Variants in INTU observed in about 807,000 individuals in gnomAD.
INTU encodes protein inturned.
Under a neutral mutation model 100.5 loss-of-function variants are expected in INTU, and 68 were observed. That is an observed-to-expected ratio of 0.68 (90% CI 0.56 to 0.83). The LOEUF (loss-of-function observed/expected upper bound fraction) is 0.83. Ranked by LOEUF, INTU falls within the 40% of genes least tolerant of loss-of-function variation. INTU has a pLI of 0.00. For synonymous variants in INTU, 357 were observed against 395.7 expected, an observed-to-expected ratio of 0.90 and a Z score of 1.16; for missense variants, 1,071 against 1,114.7, an observed-to-expected ratio of 0.96 and a Z score of 0.56.
At chr4:127,674,977 C>A (rs1449694089) in intron 6 of INTU, among the ~76,000 whole-genome samples, 1 of 152,126 alleles carries the variant, frequency 6.6e-6, no homozygotes, top group Non-Finnish European at 1.5e-5. Context: ...TGAATTCTTT[C>A]TACAACATTG....
chr4:127,648,173 T>C (rs2126182875), intron 2 of INTU, among the ~76,000 whole-genome samples: 1 of 152,320 alleles, frequency 6.6e-6, no homozygotes, highest in Non-Finnish European at 1.5e-5. Flanking sequence ...GCCTTTGAAA[T>C]GGGACAGATC....
chr4:127,719,624 G>C lies in INTU; in HGVS notation c.*3188G>C, dbSNP rs2148743680. 6.6e-6 allele frequency: 1 copy of C among 152,076 alleles called. No homozygotes were observed. Among genetic ancestry groups the C allele is most frequent in the Admixed American group, 6.5e-5 (1 of 15,278 alleles). 9.4% of individuals were successfully genotyped at this position (152,076 alleles called of 1,614,324 possible). ...ATCCATCTGGTCCTGGGCTTTTTTT[G>C]GTTGGTAGCCTATTAATTACTGCCT... On this transcript the variant is annotated 3_prime_UTR_variant, in exon 16 of 16. Coordinates refer to ENST00000335251, the MANE Select transcript of INTU (RefSeq NM_015693.4).
chr4:127,672,164 G>A (rs1728959536), intron 5 of INTU, among the ~76,000 whole-genome samples: 2 of 152,116 alleles, frequency 1.3e-5, no homozygotes, highest in African/African-American at 2.4e-5. Context: ...ATTTTAAAGT[G>A]TACAAGTAAA....
rs1400386400 is a variant in INTU, at chr4:127,714,032, T to C, written c.2656T>C (p.Ser886Pro). The change falls in exon 15 of 16, where the codon TCA (serine) becomes CCA (proline). Residue 886 changes from serine to proline, a missense_variant. Transcript: ENST00000335251. ...AGAACATGGTGTGTTGTTTGAATGTTCACCTGGAAACTGGACTGATCAGAA... is the reference window on the plus strand; with the variant it reads ...AGAACATGGTGTGTTGTTTGAATGTCCACCTGGAAACTGGACTGATCAGAA... ...VKEHGVLFEC[S>P]PGNWTDQKKA... is the part of the protein sequence containing the mutation. The C allele has an allele frequency of 6.2e-7, 1 of 1,613,766 alleles. No homozygotes were observed. The highest frequency in any genetic ancestry group is 1.7e-5 in the Admixed American group (1 of 59,954).
At chr4:127,716,290 A>T (rs757781700) in intron 15 of INTU, 35 bp from the exon 16 acceptor site, 2 of 1,021,000 alleles carry the variant, frequency 2.0e-6, no homozygotes, top group Non-Finnish European at 2.9e-6. Flanking sequence ...TTGTTGTTTT[A>T]ATTTCTGAAA....
chr4:127,633,225 A>C, intron 1 of INTU, 45 bp downstream of exon 1: 1 of 1,592,026 alleles, frequency 6.3e-7, no homozygotes, highest in South Asian at 1.1e-5. Flanking sequence ...CCATCAATCC[A>C]GAGAATATAC....
intron 2 of INTU, among the ~76,000 whole-genome samples, chr4:127,649,596 T>A (rs993001465): frequency 6.6e-6 from 1 of 152,144 alleles, no homozygotes; most frequent in African/African-American, 2.4e-5. Context: ...CAATGAGCAT[T>A]TCCTTTGAGG....
chr4:127,710,932 A>T lies in INTU; in HGVS notation c.2389A>T (p.Asn797Tyr). The T allele has an allele frequency of 4.7e-6, 7 of 1,503,346 alleles. No homozygotes were observed. Among genetic ancestry groups the T allele is most frequent in the Non-Finnish European group, 6.3e-6 (7 of 1,109,694 alleles). The allele number at this position is 1,503,346 out of a possible 1,614,324, so 93.1% of individuals were successfully genotyped here. ...TTTAAGACTGACATCTGGTCCTGAG[A>T]ACACACTTTTCCACTACGTTGCCTT... ...NTVKLTSGPE[N>Y]TLFHYVALET... Residue 797 changes from asparagine to tyrosine, a missense_variant, in exon 14 of 16, where the codon AAC (asparagine) becomes TAC (tyrosine). Asn to Tyr is a moderately radical substitution (Grantham distance 143). Transcript: ENST00000335251.
intron 3 of INTU, among the ~76,000 whole-genome samples, chr4:127,661,127 T>C (rs1330826760): frequency 6.6e-6 from 1 of 152,190 alleles, no homozygotes; most frequent in Non-Finnish European, 1.5e-5. Context: ...CTAAGGAATT[T>C]TAATGGATGG....
intron 5 of INTU, 33 bp downstream of exon 5, chr4:127,669,187 T>C: frequency 9.5e-7 from 1 of 1,050,226 alleles, no homozygotes; most frequent in Non-Finnish European, 1.4e-6. Flanking sequence ...AATTCTGTTT[T>C]TTTCAAGTTC....
chr4:127,683,553 A>G (rs1028672558), intron 6 of INTU, among the ~76,000 whole-genome samples: 19 of 152,124 alleles, frequency 1.2e-4, no homozygotes, highest in African/African-American at 4.3e-4. Context: ...AGTGCCATAG[A>G]CTGCGTGTTT....
intron 2 of INTU, among the ~76,000 whole-genome samples, chr4:127,647,511 T>G (rs1727641863): frequency 6.6e-6 from 1 of 152,188 alleles, no homozygotes; most frequent in South Asian, 2.1e-4. Context: ...TACCTGACGA[T>G]CATTCGGATA....
At chr4:127,694,487 A>G (rs1351547767) in intron 8 of INTU, among the ~76,000 whole-genome samples, 1 of 152,042 alleles carries the variant, frequency 6.6e-6, no homozygotes, top group Non-Finnish European at 1.5e-5. Context: ...CTAATGGTCT[A>G]TCAATTTTAT....
intron 8 of INTU, among the ~76,000 whole-genome samples, chr4:127,694,416 T>G (rs1275061784): frequency 6.6e-6 from 1 of 152,160 alleles, no homozygotes; most frequent in Non-Finnish European, 1.5e-5. Flanking sequence ...AGTTGTAATA[T>G]CTCCCATTTC....
At chr4:127,697,247 T>C (rs144667696) in intron 8 of INTU, among the ~76,000 whole-genome samples, 191 of 152,314 alleles carry the variant, frequency 1.3e-3, no homozygotes, top group Middle Eastern at 3.4e-3. Flanking sequence ...CATTTCACCA[T>C]CTAATAAAGA....
At chr4:127,634,050 A>G (rs900514564) in intron 1 of INTU, among the ~76,000 whole-genome samples, 7 of 152,210 alleles carry the variant, frequency 4.6e-5, no homozygotes, top group Non-Finnish European at 1.0e-4. Context: ...TTTAGGAACA[A>G]CAGTTACAAA....
chr4:127,679,296 A>G (rs1729396751), intron 6 of INTU, among the ~76,000 whole-genome samples: 1 of 152,210 alleles, frequency 6.6e-6, no homozygotes, highest in African/African-American at 2.4e-5. Flanking sequence ...TCAACAGAAT[A>G]TACATTTTTT....
rs1284693536 is a variant in INTU, at chr4:127,723,138, C to T, written c.*6702C>T. The T allele has an allele frequency of 6.6e-6, 1 of 152,230 alleles. No homozygotes were observed. Among genetic ancestry groups the T allele is most frequent in the Non-Finnish European group, 1.5e-5 (1 of 68,090 alleles). The allele number at this position is 152,230 out of a possible 1,614,324, so 9.4% of individuals were successfully genotyped here. On this transcript the variant is annotated 3_prime_UTR_variant, in exon 16 of 16. Transcript: ENST00000335251. ...AAGCCTGGTTTTCAGGGAGGGGAAG[C>T]AAAATCCTTCACCATCTCCCTTGGC...
At chr4:127,684,525 T>C (rs112600499) in intron 7 of INTU, 39 bp downstream of exon 7, 1 of 1,185,650 alleles carries the variant, frequency 8.4e-7, no homozygotes, top group African/African-American at 1.5e-5. Context: ...GTTTTAATTA[T>C]GTGATTCTAA....
Sources: gnomAD v4.1 joint callset for allele counts (sites outside exome capture counted in the v4.1 genomes callset) on GRCh38, gnomAD v4.1.1 for gene constraint, MANE v1.5 for transcripts, NCBI Gene and HGNC (gene_info 2026-07-23, HGNC 2026-07-21) for gene names.